The following ADCY2 variants were observed in gnomAD, a reference collection of about 807,000 sequenced individuals.
ADCY2 encodes the protein adenylate cyclase 2.
Under a neutral mutation model 125.2 loss-of-function variants are expected in ADCY2, and 31 were observed. That is an observed-to-expected ratio of 0.25 (90% CI 0.19 to 0.33). The LOEUF (loss-of-function observed/expected upper bound fraction) is 0.33. ADCY2 is among the 10% of genes least tolerant of loss of function. The pLI, the probability that ADCY2 is intolerant of heterozygous loss-of-function variation, is 1.00. For missense variants in ADCY2, 904 were observed against 1,418.2 expected, an observed-to-expected ratio of 0.64 and a Z score of 5.82; for synonymous variants, 512 against 548.4, an observed-to-expected ratio of 0.93 and a Z score of 0.93.
chr5:7,804,777 C>G lies in ADCY2; in HGVS notation c.2883+85C>G, dbSNP rs550119521. Reference sequence around the variant, plus strand: ...CTGGGACCAAAACAGCCATGAAATGCCCCAAGAACTGTATATTTTGTACAA... The same window carrying G: ...CTGGGACCAAAACAGCCATGAAATGGCCCAAGAACTGTATATTTTGTACAA... On this transcript the variant is annotated intron_variant, in intron 22 of 24. Coordinates refer to ENST00000338316, the MANE Select transcript of ADCY2 (RefSeq NM_020546.3). 46 of 934,216 alleles carry G rather than the reference C, an allele frequency of 4.9e-5. No homozygotes were observed. In the African/African-American group the frequency reaches 6.0e-4, roughly 12 times the overall value. 57.9% of individuals were successfully genotyped at this position (934,216 alleles called of 1,614,324 possible). A position where few individuals can be genotyped will look rare whatever the true frequency, so the allele number is the denominator to read the frequency against.
chr5:7,745,218 C>T (rs1224252976), intron 15 of ADCY2, among the ~76,000 whole-genome samples: 3 of 152,316 alleles, frequency 2.0e-5, no homozygotes, highest in East Asian at 1.9e-4. Flanking sequence ...CATTGCATTC[C>T]AGTCTGATGT....
At position 7,709,172 on chromosome 5, in the gene ADCY2, G is replaced by A. The variant is rs1474966255; in HGVS notation, c.1402-39G>A. The A allele has an allele frequency of 4.5e-6, 7 of 1,558,878 alleles. No homozygotes were observed. Among genetic ancestry groups the A allele is most frequent in the Admixed American group, 1.9e-5 (1 of 53,922 alleles). On this transcript the variant is annotated intron_variant, in intron 9 of 24. Transcript: ENST00000338316. This position sits in a 1 kb window ranked among gnomAD's most constrained non-coding sequence, Gnocchi z 4.4. The stretch of plus-strand genomic sequence containing the variant: ...TGCCAAAAGGATCATGTGTGGCCCT[G>A]TGCTGTGCCAGGTGTGATGCTTTGT...
At chr5:7,663,185 CAG>C (rs1299413066) in intron 4 of ADCY2, among the ~76,000 whole-genome samples, 11 of 152,216 alleles carry the variant, frequency 7.2e-5, no homozygotes, top group African/African-American at 2.7e-4. Flanking sequence ...CTACAGTAGA[CAG>C]AGTTAGGTAC....
intron 7 of ADCY2, among the ~76,000 whole-genome samples, chr5:7,702,196 A>T (rs12515674): frequency 0.45 from 67,555 of 150,324 alleles, 15,739 homozygotes; most frequent in East Asian, 0.83. Context: ...GCTTGAGACC[A>T]GCCTGGCCAG....
chr5:7,806,245 T>G (rs1579458868), intron 22 of ADCY2, among the ~76,000 whole-genome samples: 1 of 152,218 alleles, frequency 6.6e-6, no homozygotes, highest in Admixed American at 6.5e-5. Context: ...AATTTTAGTT[T>G]CCTGGCTTTC....
chr5:7,763,214 C>T (rs1309295623), intron 16 of ADCY2, among the ~76,000 whole-genome samples: 1 of 152,042 alleles, frequency 6.6e-6, no homozygotes, highest in Non-Finnish European at 1.5e-5. Flanking sequence ...CCTCTGCGTC[C>T]CGCGTAGCTG....
At chr5:7,416,090 A>T (rs532159958) in intron 2 of ADCY2, among the ~76,000 whole-genome samples, 1 of 152,310 alleles carries the variant, frequency 6.6e-6, no homozygotes, top group African/African-American at 2.4e-5. Flanking sequence ...GAATGGCTCA[A>T]AAGCCATGTC....
intron 3 of ADCY2, among the ~76,000 whole-genome samples, chr5:7,564,859 C>T (rs1735839209): frequency 6.6e-6 from 1 of 152,164 alleles, no homozygotes; most frequent in African/African-American, 2.4e-5. Context: ...ACAAAAATAA[C>T]AGCCTAATGG....
At chr5:7,585,630 A>G (rs1484213774) in intron 3 of ADCY2, among the ~76,000 whole-genome samples, 2 of 152,218 alleles carry the variant, frequency 1.3e-5, no homozygotes, top group African/African-American at 4.8e-5. Context: ...GACAATAAAC[A>G]GTTAATAGTT....
intron 3 of ADCY2, among the ~76,000 whole-genome samples, chr5:7,571,959 AG>A (rs1736078988): frequency 6.6e-6 from 1 of 152,184 alleles, no homozygotes; most frequent in Non-Finnish European, 1.5e-5. Flanking sequence ...TCCCTGCAAA[AG>A]GACATGATCT....
At chr5:7,737,024 C>T (rs182223683) in intron 14 of ADCY2, among the ~76,000 whole-genome samples, 38 of 151,578 alleles carry the variant, frequency 2.5e-4, no homozygotes, top group Admixed American at 6.6e-4. Context: ...TTGCTATTTT[C>T]AAAAGAAAAA....
At chr5:7,811,281 T>C (rs975079305) in intron 22 of ADCY2, among the ~76,000 whole-genome samples, 5 of 152,084 alleles carry the variant, frequency 3.3e-5, no homozygotes, top group Admixed American at 1.3e-4. Context: ...GGCGGGTGGA[T>C]CATGAGGTCA....
At chr5:7,743,927 C>T (rs1270669241) in intron 15 of ADCY2, among the ~76,000 whole-genome samples, 175 bp downstream of exon 15, 1 of 152,162 alleles carries the variant, frequency 6.6e-6, no homozygotes, top group African/African-American at 2.4e-5. Context: ...TAGACTGGGA[C>T]CCCTCATGCA....
At chr5:7,712,471 C>A (rs1210290902) in intron 10 of ADCY2, among the ~76,000 whole-genome samples, 2 of 152,188 alleles carry the variant, frequency 1.3e-5, no homozygotes, top group East Asian at 3.8e-4. Context: ...CTTTCTACAG[C>A]ATTTTCTAAT....
intron 4 of ADCY2, among the ~76,000 whole-genome samples, chr5:7,670,484 T>C (rs1439097567): frequency 6.6e-6 from 1 of 152,252 alleles, no homozygotes; most frequent in Non-Finnish European, 1.5e-5. Context: ...CATATACTAC[T>C]ATGCTATTAT....
intron 2 of ADCY2, among the ~76,000 whole-genome samples, chr5:7,428,047 G>T (rs1368350995): frequency 6.6e-6 from 1 of 152,212 alleles, no homozygotes; most frequent in African/African-American, 2.4e-5. Context: ...CTGTGAGGCT[G>T]CACAGGCCAC....
chr5:7,443,533 G>A (rs1425617892), intron 2 of ADCY2, among the ~76,000 whole-genome samples: 3 of 148,208 alleles, frequency 2.0e-5, no homozygotes, highest in Non-Finnish European at 4.5e-5. Context: ...CCAGCTACTC[G>A]GGAGGCTGAG....
chr5:7,817,811 A>C (rs1163336422), intron 23 of ADCY2, among the ~76,000 whole-genome samples: 1 of 126,898 alleles, frequency 7.9e-6, no homozygotes, highest in African/African-American at 3.1e-5. Flanking sequence ...TGACAGAAAG[A>C]GACGCTGTCA....
At chr5:7,628,256 T>C (rs1316603745) in intron 4 of ADCY2, among the ~76,000 whole-genome samples, 1 of 152,186 alleles carries the variant, frequency 6.6e-6, no homozygotes, top group Non-Finnish European at 1.5e-5. Flanking sequence ...TTTAACTTTT[T>C]TTTCATCAGC....
Sources: allele counts gnomAD v4.1 joint callset (sites outside exome capture counted in the v4.1 genomes callset), GRCh38; gene constraint gnomAD v4.1.1; non-coding constraint Gnocchi (gnomAD v3.1); transcripts MANE v1.5; gene names NCBI Gene and HGNC (gene_info 2026-07-23, HGNC 2026-07-21).